Variants in GRID1 observed in about 807,000 individuals in gnomAD.
GRID1 encodes glutamate receptor ionotropic, delta-1.
GRID1 carries 28 observed loss-of-function variants against 98.0 expected under a neutral mutation model. The observed-to-expected ratio is 0.29, with a 90% confidence interval of 0.21 to 0.39. The LOEUF is 0.39. GRID1 is among the 10% of genes least tolerant of loss of function. The pLI is 1.00. For missense variants in GRID1, 1,111 were observed against 1,340.5 expected (o/e 0.83, Z 2.67); for synonymous variants, 553 against 538.5 (o/e 1.03, Z -0.37).
intron 4 of GRID1, among the ~76,000 whole-genome samples, chr10:86,010,760 G>A (rs1242246528): frequency 4.7e-5 from 7 of 149,432 alleles, no homozygotes; most frequent in Admixed American, 3.4e-4. Flanking sequence ...AGAGGTTGCA[G>A]AGAGCTGAGA....
At chr10:85,721,245 G>GA (rs1422741546) in intron 12 of GRID1, among the ~76,000 whole-genome samples, 1 of 152,178 alleles carries the variant, frequency 6.6e-6, no homozygotes, top group African/African-American at 2.4e-5. Context: ...ATCACTGGCA[G>GA]AAATATAAAA....
intron 12 of GRID1, among the ~76,000 whole-genome samples, chr10:85,665,643 C>T (rs1336136239): frequency 1.3e-5 from 2 of 152,180 alleles, no homozygotes; most frequent in Non-Finnish European, 2.9e-5. Context: ...AATTCCACCC[C>T]ACCATCTTCT....
At chr10:86,279,410 T>C (rs1847322766) in intron 2 of GRID1, among the ~76,000 whole-genome samples, 1 of 152,212 alleles carries the variant, frequency 6.6e-6, no homozygotes, top group South Asian at 2.1e-4. Context: ...TCCAACAATA[T>C]ATAAAAATGA....
chr10:86,191,292 T>A (rs555984736), intron 3 of GRID1, among the ~76,000 whole-genome samples: 2 of 152,070 alleles, frequency 1.3e-5, no homozygotes, highest in South Asian at 4.2e-4. Context: ...AGAGGAAACT[T>A]CCAAAACAAG....
chr10:86,112,291 T>C (rs1300756589), intron 4 of GRID1, among the ~76,000 whole-genome samples: 1 of 152,214 alleles, frequency 6.6e-6, no homozygotes, highest in East Asian at 1.9e-4. Context: ...CAAAACCTCC[T>C]GGAACTAATC....
At chr10:86,185,265 A>G (rs911558503) in intron 3 of GRID1, among the ~76,000 whole-genome samples, 6 of 151,868 alleles carry the variant, frequency 4.0e-5, no homozygotes, top group African/African-American at 1.2e-4. Context: ...ATTCTTCTTT[A>G]TTTTGATTTC....
intron 5 of GRID1, among the ~76,000 whole-genome samples, chr10:85,900,033 A>G (rs2131814911): frequency 6.6e-6 from 1 of 152,332 alleles, no homozygotes; most frequent in Admixed American, 6.5e-5. Context: ...GGCAGTAGGA[A>G]AGAGAATGAA....
intron 2 of GRID1, among the ~76,000 whole-genome samples, chr10:86,343,827 G>A (rs1011830408): frequency 2.2e-4 from 34 of 152,256 alleles, no homozygotes; most frequent in African/African-American, 8.0e-4. Flanking sequence ...CAGGGACCCC[G>A]CCTTGTGCAG....
intron 2 of GRID1, among the ~76,000 whole-genome samples, chr10:86,361,572 G>A (rs1324762831): frequency 6.6e-6 from 1 of 152,182 alleles, no homozygotes; most frequent in African/African-American, 2.4e-5. Context: ...GAGAAACCAA[G>A]ACCCAGAAAA....
intron 2 of GRID1, among the ~76,000 whole-genome samples, chr10:86,274,306 G>T (rs576362281): frequency 8.5e-5 from 13 of 152,176 alleles, no homozygotes; most frequent in South Asian, 2.1e-4. Context: ...CTGTTTTGGT[G>T]ACTGTAGCCT....
At chr10:86,212,645 C>A (rs913057257) in intron 2 of GRID1, among the ~76,000 whole-genome samples, 2 of 152,228 alleles carry the variant, frequency 1.3e-5, no homozygotes, top group Admixed American at 1.3e-4. Context: ...TTAACCTCCA[C>A]GAGCACCCAC....
intron 2 of GRID1, among the ~76,000 whole-genome samples, chr10:86,317,202 G>A (rs761047626): frequency 3.9e-5 from 6 of 152,056 alleles, no homozygotes; most frequent in Admixed American, 6.6e-5. Flanking sequence ...CTGCATAGCC[G>A]CCCCTTTGTC....
At chr10:86,060,709 C>T (rs1414811328) in intron 4 of GRID1, among the ~76,000 whole-genome samples, 2 of 152,184 alleles carry the variant, frequency 1.3e-5, no homozygotes, top group African/African-American at 4.8e-5. Flanking sequence ...GGAACAGAAC[C>T]TCAGGCTGTG....
intron 8 of GRID1, among the ~76,000 whole-genome samples, chr10:85,739,055 C>T (rs144562371): frequency 1.4e-3 from 218 of 152,172 alleles, no homozygotes; most frequent in African/African-American, 5.0e-3. Context: ...ATCCAGCCAT[C>T]TGAAATCATT....
chr10:85,918,781 C>T (rs1361904192), intron 4 of GRID1, among the ~76,000 whole-genome samples: 1 of 152,194 alleles, frequency 6.6e-6, no homozygotes, highest in African/African-American at 2.4e-5. Flanking sequence ...TCAGGAGTAG[C>T]GACGTCCCAT....
intron 4 of GRID1, among the ~76,000 whole-genome samples, chr10:85,967,434 A>C (rs1196091997): frequency 6.6e-6 from 1 of 152,232 alleles, no homozygotes; most frequent in Non-Finnish European, 1.5e-5. Flanking sequence ...TAAAGTGTTC[A>C]GTTTTCAACA....
At chr10:86,020,359 C>T (rs998710024) in intron 4 of GRID1, among the ~76,000 whole-genome samples, 2 of 152,190 alleles carry the variant, frequency 1.3e-5, no homozygotes, top group African/African-American at 4.8e-5. Flanking sequence ...GTTCCTGGCG[C>T]TGACCGACTG....
intron 12 of GRID1, among the ~76,000 whole-genome samples, chr10:85,652,250 TTCATTAACAAAGAGA>T (rs1440950183): frequency 6.6e-6 from 1 of 152,242 alleles, no homozygotes; most frequent in African/African-American, 2.4e-5. Flanking sequence ...TAGATATATG[TTCATTAACAAAGAGA>T]TAAATGTGTT....
intron 2 of GRID1, among the ~76,000 whole-genome samples, chr10:86,223,046 C>T (rs1015528190): frequency 3.3e-5 from 5 of 152,204 alleles, no homozygotes; most frequent in Non-Finnish European, 7.3e-5. Flanking sequence ...TGTATGCTCC[C>T]ATGCCACTGA....
Sources: gnomAD v4.1 joint callset for allele counts (sites outside exome capture counted in the v4.1 genomes callset) on GRCh38, gnomAD v4.1.1 for gene constraint, MANE v1.5 for transcripts, NCBI Gene and HGNC (gene_info 2026-07-23, HGNC 2026-07-21) for gene names.